G2E3: variants seen among roughly 807,000 people sequenced by gnomAD.
The protein encoded by G2E3 is G2/M phase-specific E3 ubiquitin-protein ligase.
G2E3 carries 35 observed loss-of-function variants against 92.8 expected under a neutral mutation model. The ratio of observed to expected loss-of-function variants is 0.38; its 90% CI spans 0.29 to 0.50. G2E3 has a LOEUF of 0.50. G2E3 is among the 20% of genes least tolerant of loss of function. G2E3 has a pLI of 0.94. For synonymous variants in G2E3, 242 were observed against 272.4 expected (o/e 0.89, Z 1.10); for missense variants, 554 against 823.8 (o/e 0.67, Z 4.01).
At chr14:30,582,088 A>G (rs1189738346) in intron 2 of G2E3, among the ~76,000 whole-genome samples, 2 of 152,230 alleles carry the variant, frequency 1.3e-5, no homozygotes, top group East Asian at 1.9e-4. Context: ...TCTGTCAGCT[A>G]TGCTAATAGT....
intron 1 of G2E3, among the ~76,000 whole-genome samples, chr14:30,562,196 G>A (rs547385725): frequency 1.3e-5 from 2 of 152,064 alleles, no homozygotes; most frequent in South Asian, 2.1e-4. Flanking sequence ...CCCAGGTGCC[G>A]AGGCAAGAGA....
chr14:30,565,718 G>A (rs1879390184), intron 1 of G2E3, among the ~76,000 whole-genome samples: 1 of 130,504 alleles, frequency 7.7e-6, no homozygotes, highest in Admixed American at 9.2e-5. Flanking sequence ...CTGGAGTGCA[G>A]TGGCACAATC....
chr14:30,607,565 A>G (rs1194431194), intron 11 of G2E3, among the ~76,000 whole-genome samples: 1 of 152,142 alleles, frequency 6.6e-6, no homozygotes, highest in East Asian at 1.9e-4. Context: ...TTATAATCTT[A>G]GGGACCACCT....
At chr14:30,562,235 A>G (rs1232598390) in intron 1 of G2E3, among the ~76,000 whole-genome samples, 1 of 152,204 alleles carries the variant, frequency 6.6e-6, no homozygotes, top group African/African-American at 2.4e-5. Flanking sequence ...CCAGTATAAT[A>G]AAATAATAAA....
At chr14:30,561,471 T>C (rs1879094769) in intron 1 of G2E3, among the ~76,000 whole-genome samples, 1 of 152,198 alleles carries the variant, frequency 6.6e-6, no homozygotes. Flanking sequence ...CCCTTCAGAG[T>C]CTGGTACCAA....
intron 12 of G2E3, among the ~76,000 whole-genome samples, chr14:30,610,712 A>G (rs1010487656): frequency 3.3e-5 from 5 of 152,240 alleles, no homozygotes; most frequent in African/African-American, 4.8e-5. Flanking sequence ...AAACTTCTGT[A>G]TCTCATAGAC....
chr14:30,616,212 T>G (rs1882306640), intron 14 of G2E3, 66 bp from the exon 15 acceptor site: 1 of 1,032,794 alleles, frequency 9.7e-7, no homozygotes, highest in Non-Finnish European at 1.5e-6. Context: ...GAATCTATGA[T>G]GATAGCAATA....
At chr14:30,589,554 G>A (rs1401687176) in intron 4 of G2E3, 70 bp downstream of exon 4, 1 of 772,054 alleles carries the variant, frequency 1.3e-6, no homozygotes, top group African/African-American at 1.7e-5. Context: ...TTTTCTATCA[G>A]TTTCTGTACT....
At chr14:30,562,945 C>T (rs543712312) in intron 1 of G2E3, among the ~76,000 whole-genome samples, 1 of 152,238 alleles carries the variant, frequency 6.6e-6, no homozygotes, top group African/African-American at 2.4e-5. Flanking sequence ...AGATGGCTCA[C>T]TGCCCCTTTG....
At chr14:30,611,626 G>A (rs1882090755) in intron 12 of G2E3, 1 of 151,718 alleles carries the variant, frequency 6.6e-6, no homozygotes, top group Non-Finnish European at 1.5e-5. Context: ...CATCTTTCTT[G>A]CCTATCTAGT....
Position 30,608,028 on chromosome 14 carries a change from G to A in G2E3, c.1459G>A (p.Asp487Asn). Residue 487 changes from aspartate (D) to asparagine (N), a missense_variant, in exon 12 of 15, where the codon GAT becomes AAT. This residue lies in a region of G2E3 where 397 missense variants were observed against 560.3 expected (regional missense o/e 0.71). Coordinates refer to ENST00000206595, the MANE Select transcript of G2E3 (RefSeq NM_017769.5). ...YGPENTQPIL[D>N]DVSDFDVAQI... Reference sequence around the variant, plus strand: ...ACCAGAAAATACCCAGCCAATTTTAGATGATGTTTCAGACTTTGATGTGGC... The same window carrying A: ...ACCAGAAAATACCCAGCCAATTTTAAATGATGTTTCAGACTTTGATGTGGC... 5 of 1,597,338 alleles carry A rather than the reference G, an allele frequency of 3.1e-6. No individual in the cohort carries two copies. The highest frequency in any genetic ancestry group is 1.1e-5 in the South Asian group (1 of 88,772).
At chr14:30,571,017 G>T (rs1879729330) in intron 1 of G2E3, among the ~76,000 whole-genome samples, 2 of 151,942 alleles carry the variant, frequency 1.3e-5, no homozygotes. Flanking sequence ...TGTCAGTATT[G>T]TATCTAAGAA....
chr14:30,602,166 C>A lies in G2E3; in HGVS notation c.1010+35C>A, dbSNP rs752421739. 1.1e-5 allele frequency: 17 copies of A among 1,512,122 alleles called. No individual in the cohort carries two copies. In the East Asian group the frequency reaches 1.1e-4, roughly 10 times the overall value. 93.7% of individuals were successfully genotyped at this position (1,512,122 alleles called of 1,614,324 possible). A position where few individuals can be genotyped will look rare whatever the true frequency, so the allele number is the denominator to read the frequency against. On this transcript the variant is annotated intron_variant, in intron 10 of 14. Coordinates refer to ENST00000206595, the MANE Select transcript of G2E3 (RefSeq NM_017769.5). ...TTGAATTGGAGAAATACATAAAAAT[C>A]TATTTGGAGAAAATTATGATAGGAA...
intron 1 of G2E3, among the ~76,000 whole-genome samples, chr14:30,569,479 TG>T (rs1879630854): frequency 6.6e-6 from 1 of 152,242 alleles, no homozygotes; most frequent in African/African-American, 2.4e-5. Context: ...AAAGTTTAAT[TG>T]CTCTGTCACA....
At chr14:30,576,420 G>C (rs1468615155) in intron 1 of G2E3, among the ~76,000 whole-genome samples, 1 of 152,122 alleles carries the variant, frequency 6.6e-6, no homozygotes, top group Admixed American at 6.6e-5. Flanking sequence ...AAAAACCCTG[G>C]AAGACAACCT....
intron 1 of G2E3, chr14:30,580,757 T>A (rs1459425219): frequency 5.0e-6 from 1 of 200,592 alleles, no homozygotes; most frequent in Non-Finnish European, 9.9e-6. Flanking sequence ...AATTTGAAAG[T>A]CTAGACTATC....
chr14:30,613,434 A>G (rs908769610), intron 13 of G2E3, among the ~76,000 whole-genome samples: 2 of 152,272 alleles, frequency 1.3e-5, no homozygotes, highest in African/African-American at 4.8e-5. Context: ...GTCTCTTTAT[A>G]TTATTGTTTT....
intron 3 of G2E3, among the ~76,000 whole-genome samples, chr14:30,587,118 A>G (rs187435741): frequency 2.0e-5 from 3 of 152,280 alleles, no homozygotes; most frequent in East Asian, 1.9e-4. Flanking sequence ...TATTTCTTTT[A>G]CCACTTTCTT....
At chr14:30,584,471 ACAT>A (rs1027376015) in intron 2 of G2E3, among the ~76,000 whole-genome samples, 1 of 152,216 alleles carries the variant, frequency 6.6e-6, no homozygotes, top group Non-Finnish European at 1.5e-5. Flanking sequence ...CCAAAGCTCT[ACAT>A]CATTTTATAT....
Sources: gnomAD v4.1 joint callset for allele counts (sites outside exome capture counted in the v4.1 genomes callset) on GRCh38, gnomAD v4.1.1 for gene constraint, gnomAD v4.1.1 regional missense constraint, MANE v1.5 for transcripts, NCBI Gene and HGNC (gene_info 2026-07-23, HGNC 2026-07-21) for gene names.